Variants in MAP3K5 observed in about 807,000 individuals in gnomAD.
MAP3K5 encodes mitogen-activated protein kinase kinase kinase 5.
In MAP3K5, 56 loss-of-function variants were observed where a neutral mutation model predicts 158.7. That is an observed-to-expected ratio of 0.35 (90% CI 0.28 to 0.44). The LOEUF is 0.44. MAP3K5 is among the 20% of genes least tolerant of loss of function. The pLI is 1.00. For synonymous variants in MAP3K5, 579 were observed against 601.7 expected, an observed-to-expected ratio of 0.96 and a Z score of 0.55; for missense variants, 1,294 against 1,674.8, an observed-to-expected ratio of 0.77 and a Z score of 3.97.
At chr6:136,675,045 T>C (rs757725851) in intron 7 of MAP3K5, among the ~76,000 whole-genome samples, 21 of 152,020 alleles carry the variant, frequency 1.4e-4, no homozygotes, top group Non-Finnish European at 2.9e-4. Flanking sequence ...GTTATCATTA[T>C]ATATTAATAT....
chr6:136,586,587 A>G (rs930037149), intron 23 of MAP3K5, among the ~76,000 whole-genome samples: 3 of 152,236 alleles, frequency 2.0e-5, no homozygotes, highest in African/African-American at 7.2e-5. Flanking sequence ...CAGCATCAGC[A>G]TAGATTTAAC....
At chr6:136,653,516 C>A (rs919576951) in intron 10 of MAP3K5, among the ~76,000 whole-genome samples, 3 of 152,160 alleles carry the variant, frequency 2.0e-5, no homozygotes, top group Non-Finnish European at 4.4e-5. Context: ...GTGCAGCGAC[C>A]AAGATCGCCC....
chr6:136,737,041 A>ATATATATATATATGTGTGTG (rs1782502915), intron 1 of MAP3K5, among the ~76,000 whole-genome samples: 6 of 143,232 alleles, frequency 4.2e-5, no homozygotes, highest in African/African-American at 1.7e-4. Flanking sequence ...GTGTGTGTAT[A>ATATATATATATATGTGTGTG]TATATATATA....
At chr6:136,686,186 G>C (rs1780138549) in intron 7 of MAP3K5, among the ~76,000 whole-genome samples, 1 of 152,108 alleles carries the variant, frequency 6.6e-6, no homozygotes, top group African/African-American at 2.4e-5. Context: ...AAATAAATCA[G>C]TAAGTGTCAT....
At chr6:136,572,917 T>C (rs1774434918) in intron 25 of MAP3K5, among the ~76,000 whole-genome samples, 1 of 152,218 alleles carries the variant, frequency 6.6e-6, no homozygotes, top group African/African-American at 2.4e-5. Flanking sequence ...CATTGAAATA[T>C]AACATGAAAT....
intron 2 of MAP3K5, among the ~76,000 whole-genome samples, chr6:136,706,357 T>A (rs1297183119): frequency 6.6e-6 from 1 of 152,116 alleles, no homozygotes; most frequent in Non-Finnish European, 1.5e-5. Context: ...AATATAGCTA[T>A]ACAGTGCCTG....
At chr6:136,589,820 C>G (rs1187219029) in intron 23 of MAP3K5, among the ~76,000 whole-genome samples, 1 of 152,170 alleles carries the variant, frequency 6.6e-6, no homozygotes, top group Non-Finnish European at 1.5e-5. Flanking sequence ...CTGCCAACCC[C>G]TTGATCCTGG....
At chr6:136,675,095 A>G (rs1779649471) in intron 7 of MAP3K5, among the ~76,000 whole-genome samples, 1 of 151,970 alleles carries the variant, frequency 6.6e-6, no homozygotes, top group South Asian at 2.1e-4. Flanking sequence ...ATTATAAGAG[A>G]AAAAAGGAAC....
chr6:136,638,353 C>T (rs922348435), intron 13 of MAP3K5, among the ~76,000 whole-genome samples: 1 of 152,130 alleles, frequency 6.6e-6, no homozygotes, highest in Non-Finnish European at 1.5e-5. Context: ...GGAGCACTAG[C>T]GTAATTTTTA....
intron 1 of MAP3K5, among the ~76,000 whole-genome samples, chr6:136,759,708 A>G (rs1783659268): frequency 6.6e-6 from 1 of 151,068 alleles, no homozygotes; most frequent in South Asian, 2.1e-4. Context: ...CCTGGGCTCA[A>G]GCGATCTGCT....
intron 1 of MAP3K5, among the ~76,000 whole-genome samples, chr6:136,733,692 C>T (rs1399442851): frequency 6.6e-6 from 1 of 151,918 alleles, no homozygotes; most frequent in East Asian, 1.9e-4. Context: ...GGTACAAAGA[C>T]ATCCCATATA....
intron 1 of MAP3K5, among the ~76,000 whole-genome samples, chr6:136,785,008 G>C (rs546603047): frequency 2.6e-5 from 4 of 151,986 alleles, no homozygotes; most frequent in African/African-American, 9.7e-5. Flanking sequence ...TTTTTTAACT[G>C]GTTCGTGGGA....
intron 1 of MAP3K5, among the ~76,000 whole-genome samples, chr6:136,760,589 C>A (rs1056107758): frequency 2.0e-5 from 3 of 152,144 alleles, no homozygotes; most frequent in Non-Finnish European, 2.9e-5. Flanking sequence ...TCCTCACCCC[C>A]CAAGGTGATA....
At chr6:136,687,739 T>C (rs1456505397) in intron 7 of MAP3K5, among the ~76,000 whole-genome samples, 1 of 152,150 alleles carries the variant, frequency 6.6e-6, no homozygotes, top group Non-Finnish European at 1.5e-5. Context: ...TCATGCCAGT[T>C]AGAACGGTGA....
chr6:136,783,606 C>T (rs1475306408), intron 1 of MAP3K5, among the ~76,000 whole-genome samples: 2 of 152,122 alleles, frequency 1.3e-5, no homozygotes, highest in Admixed American at 1.3e-4. Context: ...CTCATCTTGC[C>T]CCAGGTGGAG....
intron 25 of MAP3K5, among the ~76,000 whole-genome samples, chr6:136,572,112 T>C (rs911366353): frequency 1.3e-5 from 2 of 152,216 alleles, no homozygotes; most frequent in African/African-American, 4.8e-5. Flanking sequence ...GTATTCCTAC[T>C]AGGGTTATTT....
chr6:136,713,687 C>A (rs896589790), intron 2 of MAP3K5, among the ~76,000 whole-genome samples: 4 of 152,142 alleles, frequency 2.6e-5, no homozygotes, highest in African/African-American at 7.2e-5. Flanking sequence ...AAAGTTAGAT[C>A]ATTTCTGAAT....
intron 23 of MAP3K5, among the ~76,000 whole-genome samples, chr6:136,588,474 T>A (rs1221634213): frequency 2.0e-5 from 3 of 151,954 alleles, no homozygotes; most frequent in Non-Finnish European, 4.4e-5. Context: ...CTAAAGAAAA[T>A]GTTAGCTGTT....
chr6:136,697,331 G>T lies in MAP3K5; in HGVS notation c.863C>A (p.Thr288Asn), dbSNP rs866907162. ...NDIRKARNLY[T>N]GKELAAELAR... ...CAACTCAGCTGCCAATTCTTTACCAGTGTATAAATTACGAGCTTTCCTGAT... is the reference window on the plus strand; with the variant it reads ...CAACTCAGCTGCCAATTCTTTACCATTGTATAAATTACGAGCTTTCCTGAT... The change falls in exon 5 of 30, where the codon ACT (threonine) becomes AAT (asparagine). Residue 288 changes from threonine to asparagine, a missense_variant. Thr to Asn is a moderately conservative substitution (Grantham distance 65, BLOSUM62 0). Coordinates refer to ENST00000359015, the MANE Select transcript of MAP3K5 (RefSeq NM_005923.4). 3 of 1,613,508 alleles carry T rather than the reference G, an allele frequency of 1.9e-6. No individual in the cohort carries two copies. Among genetic ancestry groups the T allele is most frequent in the Middle Eastern group, 3.3e-4 (2 of 6,056 alleles).
Sources: allele counts gnomAD v4.1 joint callset (sites outside exome capture counted in the v4.1 genomes callset), GRCh38; gene constraint gnomAD v4.1.1; transcripts MANE v1.5; gene names NCBI Gene and HGNC (gene_info 2026-07-23, HGNC 2026-07-21).